Variants in CAP1 observed in about 807,000 individuals in gnomAD.
CAP1 encodes adenylyl cyclase-associated protein 1.
A neutral mutation model predicts 58.2 loss-of-function variants in CAP1; 11 were observed. The ratio of observed to expected loss-of-function variants is 0.19; its 90% CI spans 0.12 to 0.31. CAP1 has a LOEUF of 0.31. Among genes scored for constraint, CAP1 ranks in the 10% least tolerant of loss-of-function variants. The pLI, the probability that CAP1 is intolerant of heterozygous loss-of-function variation, is 1.00. For missense variants in CAP1, 423 were observed against 587.5 expected, an observed-to-expected ratio of 0.72 and a Z score of 2.89; for synonymous variants, 183 against 213.8, an observed-to-expected ratio of 0.86 and a Z score of 1.26.
At chr1:40,042,241 C>CA (rs1645870905) in intron 1 of CAP1, among the ~76,000 whole-genome samples, 2 of 152,054 alleles carry the variant, frequency 1.3e-5, no homozygotes, top group Non-Finnish European at 2.9e-5. Flanking sequence ...GCCTTTGTGG[C>CA]AAAGAATACA....
At chr1:40,042,437 G>A (rs1003927093) in intron 1 of CAP1, among the ~76,000 whole-genome samples, 7 of 152,150 alleles carry the variant, frequency 4.6e-5, no homozygotes, top group Non-Finnish European at 8.8e-5. Flanking sequence ...TAGGGAATCC[G>A]GAAAAGGGAT....
intron 3 of CAP1, among the ~76,000 whole-genome samples, 195 bp from the exon 4 acceptor site, chr1:40,061,540 C>T (rs557688810): frequency 6.6e-6 from 1 of 152,304 alleles, no homozygotes; most frequent in East Asian, 1.9e-4. Context: ...GGATATATAT[C>T]CCTGATGAGT....
chr1:40,066,357 A>T, intron 7 of CAP1, 37 bp downstream of exon 7: 1 of 891,012 alleles, frequency 1.1e-6, no homozygotes, highest in South Asian at 1.4e-5. Context: ...CCTCCCTCCC[A>T]CTTTCTCTCT....
At chr1:40,050,063 G>C (rs1646286047) in intron 1 of CAP1, among the ~76,000 whole-genome samples, 1 of 152,160 alleles carries the variant, frequency 6.6e-6, no homozygotes, top group Non-Finnish European at 1.5e-5. Context: ...ACTGCCTCCA[G>C]AAGTCTCGGG....
In CAP1 at chr1:40,070,245, A is replaced by C; in HGVS notation, c.1080A>C (p.Thr360=). 6.2e-7 allele frequency: 1 copy of C among 1,614,200 alleles called. No individual in the cohort carries two copies. Among genetic ancestry groups the C allele is most frequent in the African/African-American group, 1.3e-5 (1 of 75,046 alleles). The change falls in exon 10 of 13, where the codon ACA becomes ACC. Residue 360 remains threonine, a synonymous_variant. Coordinates refer to ENST00000372805, the MANE Select transcript of CAP1 (RefSeq NM_006367.4). ...ACATATACAAGTGTGTCAACACGAC[A>C]TTGCAAATCAAGGGCAAAATTAACT... ...VAYIYKCVNT[T]LQIKGKINSI... is the part of the protein sequence containing the mutation.
chr1:40,066,320 GGTTA>G lies in CAP1; in HGVS notation c.630+3_630+6del. ...CCACCGGACTGGCCTGGAGCAAAAC[GGTTA>G]GTGAATCCTTCCTCCCTCCCTCCCT... is the stretch of plus-strand genomic sequence containing the variant. On this transcript the variant is annotated splice_donor_variant and splice_donor_region_variant and intron_variant, in intron 7 of 12. Transcript: ENST00000372805. LOFTEE classifies it high-confidence loss of function. The G allele has an allele frequency of 6.5e-7, 1 of 1,547,172 alleles. No homozygotes were observed. Among genetic ancestry groups the G allele is most frequent in the Non-Finnish European group, 8.9e-7 (1 of 1,119,134 alleles).
intron 2 of CAP1, 81 bp downstream of exon 2, chr1:40,059,539 T>A (rs1407015734): frequency 5.0e-6 from 4 of 806,610 alleles, no homozygotes; most frequent in African/African-American, 1.7e-5. Context: ...CCTTTGGCGC[T>A]AACTTCCCAA....
intron 11 of CAP1, 73 bp from the exon 12 acceptor site, chr1:40,070,763 G>C: frequency 2.2e-6 from 3 of 1,388,854 alleles, no homozygotes; most frequent in East Asian, 4.6e-5. Flanking sequence ...ACGTGAAACA[G>C]GAAACCTTTT....
intron 1 of CAP1, among the ~76,000 whole-genome samples, chr1:40,045,778 ACTC>A (rs1388770190): frequency 1.3e-5 from 2 of 151,856 alleles, no homozygotes; most frequent in African/African-American, 2.4e-5. Context: ...CTGGTCTCGA[ACTC>A]CTCAAGGGAA....
chr1:40,071,373 T>G, intron 12 of CAP1, 77 bp from the exon 13 acceptor site: 1 of 1,019,144 alleles, frequency 9.8e-7, no homozygotes, highest in South Asian at 1.4e-5. Flanking sequence ...AAGCAAGCAT[T>G]GGGAGAAATG....
At chr1:40,047,681 G>T (rs1646165958) in intron 1 of CAP1, among the ~76,000 whole-genome samples, 1 of 152,258 alleles carries the variant, frequency 6.6e-6, no homozygotes, top group African/African-American at 2.4e-5. Flanking sequence ...GAAAGGGACT[G>T]CCGAGTGCTC....
intron 7 of CAP1, chr1:40,067,225 T>C (rs745462761): frequency 1.8e-4 from 51 of 287,096 alleles, no homozygotes; most frequent in Non-Finnish European, 2.5e-4. Context: ...GAAATCAGTT[T>C]TGAATCTGTT....
At chr1:40,064,741 A>G (rs1423834231) in intron 6 of CAP1, among the ~76,000 whole-genome samples, 182 bp downstream of exon 6, 1 of 151,968 alleles carries the variant, frequency 6.6e-6, no homozygotes, top group Non-Finnish European at 1.5e-5. Flanking sequence ...ATGCCTGGCT[A>G]ATTTTCTAAT....
chr1:40,047,413 T>TA (rs1646154105), intron 1 of CAP1, among the ~76,000 whole-genome samples: 1 of 152,252 alleles, frequency 6.6e-6, no homozygotes, highest in Non-Finnish European at 1.5e-5. Context: ...TTGAAATGTT[T>TA]AATGGAAGGA....
chr1:40,070,361 TAA>T, intron 10 of CAP1, 67 bp from the exon 11 acceptor site: 1 of 1,602,232 alleles, frequency 6.2e-7, no homozygotes, highest in Non-Finnish European at 8.5e-7. Context: ...ACCCTATCCT[TAA>T]AGATTCCTAA....
chr1:40,056,984 C>T (rs951121071), intron 1 of CAP1, among the ~76,000 whole-genome samples: 1 of 151,798 alleles, frequency 6.6e-6, no homozygotes, highest in Admixed American at 6.6e-5. Context: ...CTGTATTGTC[C>T]TTTTTCATTC....
At chr1:40,062,051 T>C (rs527996045) in intron 4 of CAP1, among the ~76,000 whole-genome samples, 14 of 152,312 alleles carry the variant, frequency 9.2e-5, no homozygotes, top group African/African-American at 3.4e-4. Flanking sequence ...TGGTTATCCC[T>C]GGGACTTTGC....
At chr1:40,048,888 G>T (rs1423475139) in intron 1 of CAP1, among the ~76,000 whole-genome samples, 2 of 152,174 alleles carry the variant, frequency 1.3e-5, no homozygotes, top group African/African-American at 4.8e-5. Flanking sequence ...TACCATAGTA[G>T]ACAGGCTGAT....
At chr1:40,060,841 C>T (rs779015295) in intron 3 of CAP1, among the ~76,000 whole-genome samples, 53 of 152,274 alleles carry the variant, frequency 3.5e-4, no homozygotes, top group South Asian at 1.0e-3. Flanking sequence ...TTGAGCCTCT[C>T]AAATACCATC....
Sources: gnomAD v4.1 joint callset for allele counts (sites outside exome capture counted in the v4.1 genomes callset) on GRCh38, gnomAD v4.1.1 for gene constraint, MANE v1.5 for transcripts, NCBI Gene and HGNC (gene_info 2026-07-23, HGNC 2026-07-21) for gene names.